Variants in TMEM178B observed in about 807,000 individuals in gnomAD.
The protein encoded by TMEM178B is transmembrane protein 178B.
Under a neutral mutation model 31.0 loss-of-function variants are expected in TMEM178B, and 5 were observed. The observed-to-expected ratio is 0.16, with a 90% CI of 0.08 to 0.34. The LOEUF is 0.34. TMEM178B is among the 10% of genes least tolerant of loss of function. The pLI, the probability that TMEM178B is intolerant of heterozygous loss-of-function variation, is 1.00. For synonymous variants in TMEM178B, 164 were observed against 164.0 expected (o/e 1.00, Z 0.00); for missense variants, 275 against 400.3 (o/e 0.69, Z 2.67).
intron 1 of TMEM178B, among the ~76,000 whole-genome samples, chr7:141,209,190 A>G (rs140892558): frequency 6.6e-6 from 1 of 152,132 alleles, no homozygotes; most frequent in Non-Finnish European, 1.5e-5. Context: ...TACCCTTTAT[A>G]TCTTCCTTTC....
intron 2 of TMEM178B, among the ~76,000 whole-genome samples, chr7:141,314,325 TATAAG>T (rs1185817548): frequency 6.6e-6 from 1 of 152,320 alleles, no homozygotes; most frequent in African/African-American, 2.4e-5. Flanking sequence ...GGGCTGGCCT[TATAAG>T]AAAGAGAGGA....
At chr7:141,309,239 A>G (rs1798867571) in intron 2 of TMEM178B, among the ~76,000 whole-genome samples, 1 of 152,056 alleles carries the variant, frequency 6.6e-6, no homozygotes, top group African/African-American at 2.4e-5. Flanking sequence ...TCTTTTCATT[A>G]TTTTTCTGTA....
At chr7:141,251,704 G>A (rs935199537) in intron 2 of TMEM178B, among the ~76,000 whole-genome samples, 2 of 152,074 alleles carry the variant, frequency 1.3e-5, no homozygotes, top group African/African-American at 2.4e-5. Flanking sequence ...TATCCACCCC[G>A]CATTGTACCT....
Position 141,344,629 on chromosome 7 carries a change from TCCC to T in TMEM178B, c.497-92978_497-92976del, listed in dbSNP as rs1461800980. Among the ~76,000 whole-genome samples, 1 of 146,778 alleles carries T rather than the reference TCCC, an allele frequency of 6.8e-6. No individual in the cohort carries two copies. The highest frequency in any genetic ancestry group is 1.5e-5 in the Non-Finnish European group (1 of 67,170). ...CTTCCTTCCTTCCTTCCTTCCTTCC[TCCC>T]TTCCTTCTTCCCTTCATCAAAAGAC... is the stretch of plus-strand genomic sequence containing the variant. On this transcript the variant is annotated intron_variant, in intron 2 of 3. Transcript: ENST00000565468. The surrounding 1 kb of genome is among the most constrained non-coding windows in gnomAD (Gnocchi z 4.1).
intron 2 of TMEM178B, among the ~76,000 whole-genome samples, chr7:141,354,070 T>A (rs958569379): frequency 1.3e-5 from 2 of 152,232 alleles, no homozygotes. Flanking sequence ...GGCATCTGAT[T>A]ATTTGCAAAG....
intron 1 of TMEM178B, among the ~76,000 whole-genome samples, chr7:141,139,183 C>A (rs1351962871): frequency 6.6e-6 from 1 of 152,104 alleles, no homozygotes; most frequent in Admixed American, 6.5e-5. Flanking sequence ...AAAGTTTGTT[C>A]TTTTCTTTCG....
intron 2 of TMEM178B, among the ~76,000 whole-genome samples, chr7:141,239,861 CT>C (rs1797592155): frequency 6.6e-6 from 1 of 152,070 alleles, no homozygotes; most frequent in Non-Finnish European, 1.5e-5. Context: ...GCTTTGCCCC[CT>C]AGTGTAGGGA....
In TMEM178B at chr7:141,476,261, CCTT is replaced by C. The variant is rs1462350102; in HGVS notation, c.*5476_*5478del. 1 of 152,130 alleles carries C rather than the reference CCTT, an allele frequency of 6.6e-6. No individual in the cohort carries two copies. The highest frequency in any genetic ancestry group is 1.5e-5 in the Non-Finnish European group (1 of 68,034). 9.4% of individuals were successfully genotyped at this position (152,130 alleles called of 1,614,324 possible). On this transcript the variant is annotated 3_prime_UTR_variant, in exon 4 of 4. Coordinates refer to ENST00000565468, the MANE Select transcript of TMEM178B (RefSeq NM_001195278.2). Reference sequence around the variant, plus strand: ...TTCAGGTCCCCCAGAGAAATTGGCTCCTTATTTTTCTTTACCTATTCCTAGACT... The same window carrying C: ...TTCAGGTCCCCCAGAGAAATTGGCTCATTTTTCTTTACCTATTCCTAGACT...
chr7:141,281,331 A>G (rs1586868157), intron 2 of TMEM178B, among the ~76,000 whole-genome samples: 1 of 152,220 alleles, frequency 6.6e-6, no homozygotes, highest in East Asian at 1.9e-4. Flanking sequence ...TTCCTCCTGA[A>G]AGCCTCACAG....
chr7:141,491,934 A>G, the TMEM178B span, among the ~76,000 whole-genome samples: 1 of 152,082 alleles, frequency 6.6e-6, no homozygotes, highest in African/African-American at 2.4e-5. Flanking sequence ...ACACCCTCCC[A>G]TTCAGTCTGT....
chr7:141,393,833 A>C (rs1800589357), intron 2 of TMEM178B, among the ~76,000 whole-genome samples: 1 of 152,232 alleles, frequency 6.6e-6, no homozygotes, highest in Non-Finnish European at 1.5e-5. Flanking sequence ...TTTCAAGGTT[A>C]CAACACTCCA....
chr7:141,354,415 C>A (rs998707586), intron 2 of TMEM178B, among the ~76,000 whole-genome samples: 5 of 152,056 alleles, frequency 3.3e-5, no homozygotes, highest in African/African-American at 1.2e-4. Flanking sequence ...CACTTCCTGC[C>A]ACAACTCTGA....
At position 141,389,477 on chromosome 7, in the gene TMEM178B, A is replaced by T. The variant is rs570611062; in HGVS notation, c.497-48131A>T. Among the ~76,000 whole-genome samples the T allele has an allele frequency of 2.6e-5, 4 of 152,366 alleles. No individual in the cohort carries two copies. In the East Asian group the frequency reaches 5.8e-4, roughly 22 times the overall value. ...GGTACATCTGTACACAACATAGTAT[A>T]GTAAAAGAAAGAGCAGTGATAGCTA... On this transcript the variant is annotated intron_variant, in intron 2 of 3. Transcript: ENST00000565468.
chr7:141,075,126 C>T (rs1168679118), intron 1 of TMEM178B, among the ~76,000 whole-genome samples: 1 of 152,150 alleles, frequency 6.6e-6, no homozygotes. Flanking sequence ...ACAGAGAAGG[C>T]CTTATTCATA....
intron 2 of TMEM178B, among the ~76,000 whole-genome samples, chr7:141,281,137 C>T (rs573825164): frequency 6.6e-6 from 1 of 152,074 alleles, no homozygotes; most frequent in African/African-American, 2.4e-5. Context: ...TACCGGAGAG[C>T]CTGTGATAAC....
chr7:141,456,460 C>A (rs1801965957), intron 3 of TMEM178B, among the ~76,000 whole-genome samples: 1 of 152,118 alleles, frequency 6.6e-6, no homozygotes, highest in Non-Finnish European at 1.5e-5. Context: ...CCTGATGTAC[C>A]CCCTGGTCAA....
chr7:141,300,491 G>A (rs1185609171), intron 2 of TMEM178B, among the ~76,000 whole-genome samples: 9 of 152,150 alleles, frequency 5.9e-5, no homozygotes, highest in Admixed American at 5.9e-4. Context: ...GTGCCTTCCT[G>A]TCCCAATCCA....
chr7:141,278,052 ATTC>A (rs1384875679), intron 2 of TMEM178B, among the ~76,000 whole-genome samples: 1 of 152,242 alleles, frequency 6.6e-6, no homozygotes, highest in Non-Finnish European at 1.5e-5. Context: ...ATGTTAGAGA[ATTC>A]TTCTTAGATT....
intron 2 of TMEM178B, among the ~76,000 whole-genome samples, chr7:141,396,131 C>A (rs1358873140): frequency 1.3e-5 from 2 of 152,022 alleles, no homozygotes; most frequent in Non-Finnish European, 2.9e-5. Flanking sequence ...AGGTGGGGAG[C>A]CAGGCAACAG....
Sources: allele counts gnomAD v4.1 joint callset (sites outside exome capture counted in the v4.1 genomes callset), GRCh38; gene constraint gnomAD v4.1.1; non-coding constraint Gnocchi (gnomAD v3.1); transcripts MANE v1.5; gene names NCBI Gene and HGNC (gene_info 2026-07-23, HGNC 2026-07-21).